Variants in APOOL observed in about 807,000 individuals in gnomAD.
APOOL encodes apolipoprotein O like.
Under a neutral mutation model 23.1 loss-of-function variants are expected in APOOL, and 12 were observed. The observed-to-expected ratio is 0.52, with a 90% confidence interval of 0.33 to 0.84. The LOEUF (loss-of-function observed/expected upper bound fraction) is 0.84. Among genes scored for constraint, APOOL ranks in the 40% least tolerant of loss-of-function variants. The probability of loss-of-function intolerance (pLI) is 0.02; values close to 1 mark genes in which losing one functional copy is unlikely to be tolerated. For synonymous variants in APOOL, 77 were observed against 69.9 expected (o/e 1.10, Z -0.51); for missense variants, 212 against 199.6 (o/e 1.06, Z -0.37).
chrX:85,074,383 C>T lies in APOOL; in HGVS notation c.710C>T (p.Ser237Phe). 8.3e-7 allele frequency: 1 copy of T among 1,210,307 alleles called. No individual in the cohort carries two copies. The highest frequency in any genetic ancestry group is 1.1e-6 in the Non-Finnish European group (1 of 894,630). Residue 237 changes from serine to phenylalanine, a missense_variant, in exon 8 of 9, where the codon TCC becomes TTC. Coordinates refer to ENST00000373173, the MANE Select transcript of APOOL (RefSeq NM_198450.6). The part of the protein sequence containing the change: ...LSSEAKTKSE[S>F]TSGATQFMPD... ...TCTGAAGCAAAGACCAAATCAGAATCCACTTCAGGTTTGTTGGGTATAAGT... is the reference window on the plus strand; with the variant it reads ...TCTGAAGCAAAGACCAAATCAGAATTCACTTCAGGTTTGTTGGGTATAAGT...
At position 85,003,933 on chromosome X, in the gene APOOL, C is replaced by T. The variant is rs916759447; in HGVS notation, c.15+6C>T. 1.7e-6 allele frequency: 2 copies of T among 1,211,437 alleles called. No individual in the cohort carries two copies. Among genetic ancestry groups the T allele is most frequent in the South Asian group, 1.8e-5 (1 of 56,963 alleles). ...TAGACATGGCGGCCATCAGGGTAAG[C>T]GAAAACCAACTTGCTTAATTTCTGT... On this transcript the variant is annotated splice_donor_region_variant and intron_variant, in intron 1 of 8. Coordinates refer to ENST00000373173, the MANE Select transcript of APOOL (RefSeq NM_198450.6).
chrX:85,065,541 C>T (rs1923426838), intron 5 of APOOL, among the ~76,000 whole-genome samples: 1 of 111,052 alleles, frequency 9.0e-6, no homozygotes, highest in Non-Finnish European at 1.9e-5. Flanking sequence ...ATGTTTAGTG[C>T]ACAGCGCAGG....
At chrX:85,055,696 G>T (rs1922936087) in intron 4 of APOOL, 131 bp from the exon 5 acceptor site, 2 of 404,561 alleles carry the variant, frequency 4.9e-6, no homozygotes, top group South Asian at 1.2e-4. Flanking sequence ...GTCATTATAT[G>T]TAGCTCTTTT....
chrX:85,037,773 G>T (rs754512242), intron 1 of APOOL, among the ~76,000 whole-genome samples: 2 of 110,865 alleles, frequency 1.8e-5, no homozygotes, highest in Non-Finnish European at 3.8e-5. Flanking sequence ...CTGGTAAGCC[G>T]CACATAGAAG....
At chrX:85,040,978 T>G (rs1355668399) in intron 1 of APOOL, among the ~76,000 whole-genome samples, 1 of 112,077 alleles carries the variant, frequency 8.9e-6, no homozygotes, top group Non-Finnish European at 1.9e-5. Context: ...TTGCCCGAGT[T>G]CTTGCACTCA....
At chrX:85,046,851 A>G (rs920682335) in intron 2 of APOOL, among the ~76,000 whole-genome samples, 1 of 111,625 alleles carries the variant, frequency 9.0e-6, no homozygotes, top group Non-Finnish European at 1.9e-5. Flanking sequence ...TTACACAGGT[A>G]CATTCAGTAT....
At chrX:85,084,593 G>A (rs375091315) in intron 8 of APOOL, among the ~76,000 whole-genome samples, 1 of 110,014 alleles carries the variant, frequency 9.1e-6, no homozygotes, top group East Asian at 2.9e-4. Flanking sequence ...CCAGAGCTGA[G>A]GCCTCTAAGC....
At chrX:85,074,476 G>A in intron 8 of APOOL, 85 bp downstream of exon 8, 1 of 1,017,780 alleles carries the variant, frequency 9.8e-7, no homozygotes, top group Non-Finnish European at 1.3e-6. Context: ...AACTTAAGAT[G>A]TGTTCTCCCC....
chrX:85,030,490 C>A (rs1168737780), intron 1 of APOOL, among the ~76,000 whole-genome samples: 1 of 111,177 alleles, frequency 9.0e-6, no homozygotes, highest in Non-Finnish European at 1.9e-5. Context: ...CACTTGTACC[C>A]CAAAAGCTAT....
intron 1 of APOOL, among the ~76,000 whole-genome samples, chrX:85,028,606 T>C (rs754150797): frequency 1.8e-5 from 2 of 110,768 alleles, no homozygotes; most frequent in Non-Finnish European, 3.8e-5. Context: ...AGTCGCACTA[T>C]TGTGCTACCA....
intron 6 of APOOL, among the ~76,000 whole-genome samples, chrX:85,067,583 A>C (rs2147658033): frequency 9.2e-6 from 1 of 109,258 alleles, no homozygotes; most frequent in South Asian, 4.1e-4. Flanking sequence ...CTGACATAAG[A>C]AACAACCAGT....
chrX:85,043,005 T>C (rs980875244), intron 1 of APOOL, among the ~76,000 whole-genome samples: 1 of 111,704 alleles, frequency 9.0e-6, no homozygotes, highest in Admixed American at 9.5e-5. Flanking sequence ...TTATAGAATA[T>C]AACTGCTGGA....
rs1228800892 is a variant in APOOL at position 85,074,292 on chromosome X, A to G, written c.619A>G (p.Ile207Val). Residue 207 changes from isoleucine to valine, a missense_variant, in exon 8 of 9, where the codon ATA (isoleucine) becomes GTA (valine). Coordinates refer to ENST00000373173, the MANE Select transcript of APOOL (RefSeq NM_198450.6). ...TAAACAGCTAGGATCCTCTTCCGAA[A>G]TAGAAGTACCTGCAAAAACAACTCA... ...EKTKLGSSSE[I>V]EVPAKTTHVL... 1 of 1,211,438 alleles carries G rather than the reference A, an allele frequency of 8.3e-7. No homozygotes were observed. Among genetic ancestry groups the G allele is most frequent in the Non-Finnish European group, 1.1e-6 (1 of 895,181 alleles).
At chrX:85,083,092 G>A (rs1924169873) in intron 8 of APOOL, among the ~76,000 whole-genome samples, 1 of 110,912 alleles carries the variant, frequency 9.0e-6, no homozygotes, top group African/African-American at 3.3e-5. Flanking sequence ...GAGATGATAA[G>A]TGTTTCACCC....
chrX:85,067,819 T>C (rs1367147349), intron 6 of APOOL, among the ~76,000 whole-genome samples: 2 of 111,903 alleles, frequency 1.8e-5, no homozygotes, highest in Non-Finnish European at 3.8e-5. Flanking sequence ...TTTTAACACA[T>C]GTTCAGATGG....
At chrX:85,039,325 C>A (rs1239119772) in intron 1 of APOOL, among the ~76,000 whole-genome samples, 3 of 109,529 alleles carry the variant, frequency 2.7e-5, no homozygotes, top group African/African-American at 1.0e-4. Flanking sequence ...TGCTTTAGGG[C>A]TGATTGTGTG....
In APOOL at chrX:85,009,378, A is replaced by G. The variant is rs528707896; in HGVS notation, c.15+5451A>G. 2.3e-4 allele frequency among the ~76,000 whole-genome samples: 26 copies of G among 111,998 alleles called. No homozygotes were observed. The South Asian group carries it at 9.7e-3, about 42-fold the overall frequency. On this transcript the variant is annotated intron_variant, in intron 1 of 8. Coordinates refer to ENST00000373173, the MANE Select transcript of APOOL (RefSeq NM_198450.6). ...TGGGTATGATATTAGTTGTGGCCTT[A>G]TCATATATGGCTTTTATTATGTTGA...
At chrX:85,028,903 A>G (rs752315684) in intron 1 of APOOL, among the ~76,000 whole-genome samples, 2 of 109,739 alleles carry the variant, frequency 1.8e-5, no homozygotes, top group African/African-American at 6.5e-5. Flanking sequence ...TTAATCTTGT[A>G]TAGATACCCC....
intron 1 of APOOL, among the ~76,000 whole-genome samples, chrX:85,005,601 TAATTA>T (rs1921051047): frequency 9.0e-6 from 1 of 111,511 alleles, no homozygotes; most frequent in Non-Finnish European, 1.9e-5. Context: ...TTGAAGACAG[TAATTA>T]TATTAACCTT....
Sources: allele counts gnomAD v4.1 joint callset (sites outside exome capture counted in the v4.1 genomes callset), GRCh38; gene constraint gnomAD v4.1.1; transcripts MANE v1.5; gene names NCBI Gene and HGNC (gene_info 2026-07-23, HGNC 2026-07-21).